PTAR1: variants seen among roughly 807,000 people sequenced by gnomAD.
PTAR1 encodes protein prenyltransferase alpha subunit repeat-containing protein 1.
In PTAR1, 17 loss-of-function variants were observed where a neutral mutation model predicts 45.5. The ratio of observed to expected loss-of-function variants is 0.37; its 90% CI spans 0.26 to 0.56. The LOEUF (loss-of-function observed/expected upper bound fraction) is 0.56, where lower values mean the gene tolerates loss of function less well. PTAR1 is among the 20% of genes least tolerant of loss of function. The pLI, the probability that PTAR1 is intolerant of heterozygous loss-of-function variation, is 0.77. For missense variants in PTAR1, 391 were observed against 476.3 expected (o/e 0.82, Z 1.67); for synonymous variants, 169 against 171.3 (o/e 0.99, Z 0.11).
At chr9:69,755,876 T>G (rs1826752532) in intron 1 of PTAR1, among the ~76,000 whole-genome samples, 1 of 152,216 alleles carries the variant, frequency 6.6e-6, no homozygotes, top group Non-Finnish European at 1.5e-5. Flanking sequence ...TAGTGTTTAT[T>G]GTTACTTGCC....
At chr9:69,726,476 T>C (rs1458251823) in intron 5 of PTAR1, among the ~76,000 whole-genome samples, 1 of 152,092 alleles carries the variant, frequency 6.6e-6, no homozygotes, top group East Asian at 1.9e-4. Context: ...TCTAATTATT[T>C]AGGAGAAATT....
intron 2 of PTAR1, among the ~76,000 whole-genome samples, chr9:69,742,244 CA>C (rs1028765127): frequency 6.6e-6 from 1 of 151,926 alleles, no homozygotes; most frequent in Admixed American, 6.6e-5. Flanking sequence ...TGCGAATTTT[CA>C]AAAGGAAAAA....
intron 5 of PTAR1, among the ~76,000 whole-genome samples, chr9:69,728,837 A>G (rs1825401451): frequency 6.6e-6 from 1 of 152,132 alleles, no homozygotes; most frequent in African/African-American, 2.4e-5. Flanking sequence ...CTTTTAATCA[A>G]TCTTTATTCT....
intron 3 of PTAR1, among the ~76,000 whole-genome samples, chr9:69,740,333 A>C (rs923988310): frequency 1.3e-5 from 2 of 152,192 alleles, no homozygotes; most frequent in East Asian, 3.9e-4. Context: ...TCTTAGGCCT[A>C]GGTTTTTTTC....
intron 1 of PTAR1, among the ~76,000 whole-genome samples, chr9:69,753,083 T>C (rs975229709): frequency 6.6e-6 from 1 of 152,118 alleles, no homozygotes; most frequent in Non-Finnish European, 1.5e-5. Flanking sequence ...AATATAACTG[T>C]TATAGTAACA....
intron 5 of PTAR1, among the ~76,000 whole-genome samples, chr9:69,726,676 T>G (rs2134092909): frequency 6.6e-6 from 1 of 152,118 alleles, no homozygotes. Context: ...TTACATTTCC[T>G]TAATTATCAT....
At chr9:69,722,195 A>G (rs906009860) in intron 6 of PTAR1, among the ~76,000 whole-genome samples, 2 of 152,206 alleles carry the variant, frequency 1.3e-5, no homozygotes, top group African/African-American at 2.4e-5. Flanking sequence ...GAAAATCTCA[A>G]TAACTTTAGA....
chr9:69,756,157 C>T (rs543326067), intron 1 of PTAR1, among the ~76,000 whole-genome samples: 5 of 152,284 alleles, frequency 3.3e-5, no homozygotes, highest in Admixed American at 2.6e-4. Context: ...ACCTTGCAGA[C>T]GATCTAAAAT....
In PTAR1 at chr9:69,715,486, C is replaced by T. The variant is rs774614241; in HGVS notation, c.*2856G>A. On this transcript the variant is annotated 3_prime_UTR_variant, in exon 8 of 8. Coordinates refer to ENST00000340434, the MANE Select transcript of PTAR1 (RefSeq NM_001099666.2). The stretch of plus-strand genomic sequence containing the variant: ...AAAGTACACTAAGGTACACTAAAGG[C>T]GGGGTGAAGGTGGTGTTGGAGACAG... 1 of 152,032 alleles carries T rather than the reference C, an allele frequency of 6.6e-6. No individual in the cohort carries two copies. Among genetic ancestry groups the T allele is most frequent in the Non-Finnish European group, 1.5e-5 (1 of 67,990 alleles). The allele number at this position is 152,032 out of a possible 1,614,324, so 9.4% of individuals were successfully genotyped here.
Position 69,755,989 on chromosome 9 carries a change from C to T in PTAR1, c.86+3864G>A, listed in dbSNP as rs147801629. Among the ~76,000 whole-genome samples the T allele has an allele frequency of 1.6e-4, 25 of 152,290 alleles. No homozygotes were observed. In the East Asian group the frequency reaches 4.4e-3, roughly 27 times the overall value. On this transcript the variant is annotated intron_variant, in intron 1 of 7. Transcript: ENST00000340434. ...AGGAAGAGTCTTGTCTAAGTCTACT[C>T]AGTTAATAAACGACAAGCAAAGACT... is the stretch of plus-strand genomic sequence containing the variant.
In PTAR1 at chr9:69,754,473, A is replaced by AC. The variant is rs989153476; in HGVS notation, c.87-3524_87-3523insG. Among the ~76,000 whole-genome samples, 6 of 151,790 alleles carry AC rather than the reference A, an allele frequency of 4.0e-5. No individual in the cohort carries two copies. The East Asian group carries it at 7.7e-4, about 20-fold the overall frequency. On this transcript the variant is annotated intron_variant, in intron 1 of 7. Transcript: ENST00000340434. The stretch of plus-strand genomic sequence containing the variant: ...CTCAGGAAAAACAAAACAAAACAAA[A>AC]AAAACCCTAAAAGTCACTTGTAATC...
chr9:69,737,374 C>A (rs1276688643), intron 3 of PTAR1, among the ~76,000 whole-genome samples: 2 of 152,122 alleles, frequency 1.3e-5, no homozygotes, highest in Non-Finnish European at 2.9e-5. Flanking sequence ...AGCCACCATA[C>A]CTGGCCTTAG....
intron 2 of PTAR1, among the ~76,000 whole-genome samples, chr9:69,747,444 C>T (rs1239596324): frequency 6.6e-6 from 1 of 152,180 alleles, no homozygotes; most frequent in Non-Finnish European, 1.5e-5. Context: ...CAGTAGTACA[C>T]ACAGAGTCAA....
chr9:69,759,329 A>C (rs1826963514), intron 1 of PTAR1, among the ~76,000 whole-genome samples: 2 of 152,298 alleles, frequency 1.3e-5, no homozygotes, highest in Admixed American at 6.5e-5. Context: ...TATCGGAGTC[A>C]CTTTACAATT....
intron 5 of PTAR1, among the ~76,000 whole-genome samples, chr9:69,727,021 G>GTA (rs532389802): frequency 4.3e-3 from 301 of 70,510 alleles, no homozygotes; most frequent in African/African-American, 0.011. Flanking sequence ...TTAAAATTGT[G>GTA]TATATACACA....
chr9:69,759,983 G>C lies in PTAR1; in HGVS notation c.-45C>G. 7.1e-7 allele frequency: 1 copy of C among 1,413,280 alleles called. No individual in the cohort carries two copies. The highest frequency in any genetic ancestry group is 9.3e-7 in the Non-Finnish European group (1 of 1,073,164). The allele number at this position is 1,413,280 out of a possible 1,614,324, so 87.5% of individuals were successfully genotyped here. A position where few individuals can be genotyped will look rare whatever the true frequency, so the allele number is the denominator to read the frequency against. ...GTTCGGGCGCGCCTCCGCGTGAGCC[G>C]GGCCGCCGGCGGGAGTTCCGCGGAG... On this transcript the variant is annotated 5_prime_UTR_variant, in exon 1 of 8. Transcript: ENST00000340434.
Position 69,732,310 on chromosome 9 carries a change from A to G in PTAR1, c.471T>C (p.Pro157=). The change falls in exon 5 of 8, where the codon CCT becomes CCC. Residue 157 remains proline, a synonymous_variant. Coordinates refer to ENST00000340434, the MANE Select transcript of PTAR1 (RefSeq NM_001099666.2). ...LQQLIQETSL[P]SFVTKGNLGT... is the part of the protein sequence containing the mutation. The stretch of plus-strand genomic sequence containing the variant: ...CCAAGTTTCCTTTGGTCACAAAGGA[A>G]GGCAAGGAGGTTTCCTGAATTAGCT... The G allele has an allele frequency of 6.2e-7, 1 of 1,613,928 alleles. No individual in the cohort carries two copies. Among genetic ancestry groups the G allele is most frequent in the Non-Finnish European group, 8.5e-7 (1 of 1,179,820 alleles).
chr9:69,733,859 G>A (rs1224458695), intron 4 of PTAR1, among the ~76,000 whole-genome samples: 2 of 152,174 alleles, frequency 1.3e-5, no homozygotes, highest in Non-Finnish European at 2.9e-5. Flanking sequence ...GCCAGGCACT[G>A]TGGGAGTGTT....
chr9:69,735,181 T>A (rs1457625735), intron 3 of PTAR1, among the ~76,000 whole-genome samples: 1 of 152,202 alleles, frequency 6.6e-6, no homozygotes, highest in Non-Finnish European at 1.5e-5. Context: ...TTGGTTGTTT[T>A]TAAAACTGTT....
Sources: allele counts gnomAD v4.1 joint callset (sites outside exome capture counted in the v4.1 genomes callset), GRCh38; gene constraint gnomAD v4.1.1; transcripts MANE v1.5; gene names NCBI Gene and HGNC (gene_info 2026-07-23, HGNC 2026-07-21).